Variants in KLF7 observed in about 807,000 individuals in gnomAD.
The protein encoded by KLF7 is KLF transcription factor 7.
A neutral mutation model predicts 27.3 loss-of-function variants in KLF7; 2 were observed. The ratio of observed to expected loss-of-function variants is 0.07; its 90% CI spans 0.03 to 0.23. The LOEUF is 0.23. KLF7 is among the 10% of genes least tolerant of loss of function. The pLI is 1.00. For missense variants in KLF7, 221 were observed against 394.1 expected, an observed-to-expected ratio of 0.56 and a Z score of 3.72; for synonymous variants, 165 against 162.4, an observed-to-expected ratio of 1.02 and a Z score of -0.12.
intron 2 of KLF7, among the ~76,000 whole-genome samples, chr2:207,090,864 T>A (rs888770776): frequency 6.6e-6 from 1 of 152,094 alleles, no homozygotes; most frequent in African/African-American, 2.4e-5. Context: ...GGCTCTGTTA[T>A]CTCAAGGGGA....
In KLF7 at chr2:207,077,413, T is replaced by C. The variant is rs969411534; in HGVS notation, c.*3800A>G. On this transcript the variant is annotated 3_prime_UTR_variant, in exon 4 of 4. Coordinates refer to ENST00000309446, the MANE Select transcript of KLF7 (RefSeq NM_003709.4). ...TCAGTTCTGCTAATCAGGCATGAGG[T>C]TGGCTGTCCTTTTACCCTGTTATCA... 2.0e-5 allele frequency: 3 copies of C among 152,124 alleles called. No individual in the cohort carries two copies. Among genetic ancestry groups the C allele is most frequent in the African/African-American group, 7.2e-5 (3 of 41,414 alleles). 9.4% of individuals were successfully genotyped at this position (152,124 alleles called of 1,614,324 possible).
At chr2:207,111,765 T>C (rs2077044584) in intron 2 of KLF7, among the ~76,000 whole-genome samples, 1 of 152,210 alleles carries the variant, frequency 6.6e-6, no homozygotes, top group African/African-American at 2.4e-5. Context: ...AAGAGTACGA[T>C]GAGAGGAAGC....
At chr2:207,143,286 T>C (rs958448154) in intron 1 of KLF7, among the ~76,000 whole-genome samples, 4 of 150,934 alleles carry the variant, frequency 2.7e-5, no homozygotes, top group African/African-American at 9.8e-5. Context: ...CATCATCAAA[T>C]AAAAGAAACG....
rs1311276168 is a variant in KLF7 at position 207,165,662 on chromosome 2, A to G, written c.-94T>C. Reference sequence around the variant, plus strand: ...AGTCTGTCTGGCTCACCCCCCAAGAAGGCAGACATCCAGTGGCCCTTTTGT... The same window carrying G: ...AGTCTGTCTGGCTCACCCCCCAAGAGGGCAGACATCCAGTGGCCCTTTTGT... On this transcript the variant is annotated 5_prime_UTR_variant, in exon 1 of 4. Coordinates refer to ENST00000309446, the MANE Select transcript of KLF7 (RefSeq NM_003709.4). The G allele has an allele frequency of 6.3e-7, 1 of 1,583,204 alleles. No individual in the cohort carries two copies. Among genetic ancestry groups the G allele is most frequent in the Non-Finnish European group, 8.6e-7 (1 of 1,165,582 alleles).
At chr2:207,100,668 T>C (rs982934322) in intron 2 of KLF7, among the ~76,000 whole-genome samples, 1 of 152,158 alleles carries the variant, frequency 6.6e-6, no homozygotes. Flanking sequence ...ATTCTCCACA[T>C]GTCACCCCAT....
chr2:207,166,969 C>A (rs756859810), upstream of KLF7: 27 of 835,874 alleles, frequency 3.2e-5, no homozygotes, highest in Middle Eastern at 4.5e-4. Flanking sequence ...CCTCCCGCGC[C>A]TCCTTCTGAC....
chr2:207,143,939 G>T (rs1162881074), intron 1 of KLF7, among the ~76,000 whole-genome samples: 1 of 152,100 alleles, frequency 6.6e-6, no homozygotes, highest in African/African-American at 2.4e-5. Flanking sequence ...AAAACCAATA[G>T]AGCAGCATTA....
chr2:207,132,902 CAG>C (rs1433447858), intron 1 of KLF7, among the ~76,000 whole-genome samples: 2 of 152,240 alleles, frequency 1.3e-5, no homozygotes, highest in African/African-American at 2.4e-5. Context: ...GGCCCATGCA[CAG>C]AGAGGCTTCT....
In KLF7 at chr2:207,104,152, A is replaced by T. The variant is rs543337625; in HGVS notation, c.734-15571T>A. 2.0e-5 allele frequency among the ~76,000 whole-genome samples: 3 copies of T among 152,358 alleles called. No individual in the cohort carries two copies. In the East Asian group the frequency reaches 5.8e-4, roughly 29 times the overall value. Reference sequence around the variant, plus strand: ...AGTACAAACCCAATACCACATGGAGAGAAACTGCCCAGAGCCCATATACTA... The same window carrying T: ...AGTACAAACCCAATACCACATGGAGTGAAACTGCCCAGAGCCCATATACTA... On this transcript the variant is annotated intron_variant, in intron 2 of 3. Coordinates refer to ENST00000309446, the MANE Select transcript of KLF7 (RefSeq NM_003709.4).
rs544136521 is a variant in KLF7 at position 207,080,632 on chromosome 2, A to G, written c.*581T>C. Reference sequence around the variant, plus strand: ...TGTGAGGAAGTCTGACGCACGGAATAGTAGGACTTTTCACACACAAAGGAC... The same window carrying G: ...TGTGAGGAAGTCTGACGCACGGAATGGTAGGACTTTTCACACACAAAGGAC... On this transcript the variant is annotated 3_prime_UTR_variant, in exon 4 of 4. Coordinates refer to ENST00000309446, the MANE Select transcript of KLF7 (RefSeq NM_003709.4). 28 of 390,564 alleles carry G rather than the reference A, an allele frequency of 7.2e-5. No individual in the cohort carries two copies. The highest frequency in any genetic ancestry group is 1.1e-4 in the Non-Finnish European group (24 of 221,410). 24.2% of individuals were successfully genotyped at this position (390,564 alleles called of 1,614,324 possible). A position where few individuals can be genotyped will look rare whatever the true frequency, so the allele number is the denominator to read the frequency against.
intron 1 of KLF7, among the ~76,000 whole-genome samples, chr2:207,144,105 C>G (rs1196155757): frequency 6.7e-6 from 1 of 148,416 alleles, no homozygotes; most frequent in African/African-American, 2.5e-5. Flanking sequence ...CAGATGAACG[C>G]AATGTAGAGA....
rs144632639 is a variant in KLF7, at chr2:207,082,443, C to A, written c.858-1179G>T. Among the ~76,000 whole-genome samples the A allele has an allele frequency of 4.2e-3, 645 of 152,262 alleles. 5 individuals are homozygous for A. The highest frequency in any genetic ancestry group is 0.014 in the African/African-American group (601 of 41,528). The stretch of plus-strand genomic sequence containing the variant: ...ATAATATCAGAGAAGCTGGATCCAA[C>A]GAAGCCTAAAGACAAATCTAATTCT... On this transcript the variant is annotated intron_variant, in intron 3 of 3. Coordinates refer to ENST00000309446, the MANE Select transcript of KLF7 (RefSeq NM_003709.4).
At chr2:207,164,299 C>G (rs944394593) in intron 1 of KLF7, among the ~76,000 whole-genome samples, 4 of 152,192 alleles carry the variant, frequency 2.6e-5, no homozygotes, top group African/African-American at 9.6e-5. Flanking sequence ...CACGAGCAGC[C>G]ACACACCGAG....
At position 207,124,035 on chromosome 2, in the gene KLF7, C is replaced by T. The variant is rs749905619; in HGVS notation, c.472G>A (p.Val158Met). 46 of 1,614,042 alleles carry T rather than the reference C, an allele frequency of 2.8e-5. No homozygotes were observed. Among genetic ancestry groups the T allele is most frequent in the East Asian group, 2.2e-4 (10 of 44,868 alleles). Residue 158 changes from valine to methionine, a missense_variant, in exon 2 of 4, where the codon GTG becomes ATG. This residue lies in a region of KLF7 where 180 missense variants were observed against 227.9 expected (regional missense o/e 0.79). Transcript: ENST00000309446. ...LVKTSQTLSA[V>M]DGTVTLKLVA... ...AGTTTCAACGTCACCGTGCCATCCA[C>T]GGCAGAGAGAGTTTGTGAGGTTTTG... is the stretch of plus-strand genomic sequence containing the variant.
At chr2:207,108,238 A>AG (rs778115396) in intron 2 of KLF7, among the ~76,000 whole-genome samples, 8 of 152,220 alleles carry the variant, frequency 5.3e-5, no homozygotes, top group Non-Finnish European at 1.0e-4. Context: ...TAACCATGAG[A>AG]GGGGGGAGAA....
chr2:207,165,628 T>C lies in KLF7; in HGVS notation c.-60A>G. 3 of 1,608,648 alleles carry C rather than the reference T, an allele frequency of 1.9e-6. No homozygotes were observed. Among genetic ancestry groups the C allele is most frequent in the Non-Finnish European group, 2.5e-6 (3 of 1,177,614 alleles). On this transcript the variant is annotated 5_prime_UTR_variant, in exon 1 of 4. Coordinates refer to ENST00000309446, the MANE Select transcript of KLF7 (RefSeq NM_003709.4). ...CTCCCCCGAACACAGTTGGGGCTGT[T>C]TGTTTGTCAGTCTGTCTGGCTCACC...
chr2:207,094,463 A>C (rs2105889136), intron 2 of KLF7, among the ~76,000 whole-genome samples: 1 of 152,342 alleles, frequency 6.6e-6, no homozygotes, highest in East Asian at 1.9e-4. Context: ...GAAATGGAAA[A>C]GAAAACTGGA....
intron 1 of KLF7, among the ~76,000 whole-genome samples, chr2:207,127,164 G>A (rs937721814): frequency 6.6e-6 from 1 of 152,152 alleles, no homozygotes; most frequent in African/African-American, 2.4e-5. Flanking sequence ...AGAGACATCT[G>A]ATCACTAAAA....
intron 2 of KLF7, among the ~76,000 whole-genome samples, chr2:207,103,463 A>G (rs1188440003): frequency 6.6e-6 from 1 of 152,216 alleles, no homozygotes; most frequent in African/African-American, 2.4e-5. Context: ...GAAATCTTAC[A>G]TCTTTAAGCT....
Sources: gnomAD v4.1 joint callset for allele counts (sites outside exome capture counted in the v4.1 genomes callset) on GRCh38, gnomAD v4.1.1 for gene constraint, gnomAD v4.1.1 regional missense constraint, MANE v1.5 for transcripts, NCBI Gene and HGNC (gene_info 2026-07-23, HGNC 2026-07-21) for gene names.